The following TCP11L1 variants were observed in gnomAD, a reference collection of about 807,000 sequenced individuals.
TCP11L1 encodes the protein t-complex 11 like 1, also known as T-complex protein 11-like protein 1.
TCP11L1 carries 28 observed loss-of-function variants against 48.9 expected under a neutral mutation model. The observed-to-expected ratio is 0.57, with a 90% CI of 0.42 to 0.78. The LOEUF (loss-of-function observed/expected upper bound fraction) is 0.78. TCP11L1 is among the 30% of genes least tolerant of loss of function. The pLI, the probability that TCP11L1 is intolerant of heterozygous loss-of-function variation, is 0.00. For missense variants in TCP11L1, 505 were observed against 613.4 expected (o/e 0.82, Z 1.87); for synonymous variants, 204 against 231.9 (o/e 0.88, Z 1.09).
chr11:33,042,621 C>T (rs1853871219), intron 1 of TCP11L1, among the ~76,000 whole-genome samples: 1 of 152,186 alleles, frequency 6.6e-6, no homozygotes, highest in Non-Finnish European at 1.5e-5. Context: ...CCACACATTC[C>T]TCTTAAACAT....
chr11:33,061,805 G>T (rs1006604653), intron 7 of TCP11L1, 79 bp downstream of exon 7: 5 of 1,393,020 alleles, frequency 3.6e-6, no homozygotes, highest in Non-Finnish European at 4.8e-6. Flanking sequence ...CTTTGGCCAG[G>T]CACGGTGGCT....
chr11:33,044,928 G>A (rs1033720), intron 2 of TCP11L1, among the ~76,000 whole-genome samples: 62,008 of 152,018 alleles, frequency 0.41, 12,837 homozygotes, highest in African/African-American at 0.46. Context: ...AATATTTCTT[G>A]GGGTAGCAGT....
chr11:33,041,394 G>A (rs749030328), intron 1 of TCP11L1: 3 of 152,326 alleles, frequency 2.0e-5, no homozygotes, highest in Non-Finnish European at 4.4e-5. Context: ...GGTGTCTCCA[G>A]TGGGGTGTTG....
intron 7 of TCP11L1, 52 bp downstream of exon 7, chr11:33,061,778 CT>C (rs758720609): frequency 6.0e-6 from 9 of 1,505,784 alleles, no homozygotes; most frequent in Middle Eastern, 1.8e-4. Flanking sequence ...TGCTGCTGAA[CT>C]TTTTAAAAAG....
intron 9 of TCP11L1, among the ~76,000 whole-genome samples, chr11:33,069,128 C>G (rs1412418743): frequency 2.0e-5 from 3 of 152,066 alleles, no homozygotes; most frequent in Non-Finnish European, 4.4e-5. Flanking sequence ...ACTTGACACT[C>G]GAGTTTCCTC....
chr11:33,072,130 C>T (rs1160010444), intron 9 of TCP11L1, among the ~76,000 whole-genome samples: 1 of 152,064 alleles, frequency 6.6e-6, no homozygotes, highest in East Asian at 1.9e-4. Context: ...AGGCGTGAGC[C>T]ACCGCGCCTG....
chr11:33,048,853 A>G (rs1008634845), intron 2 of TCP11L1, among the ~76,000 whole-genome samples: 1 of 152,256 alleles, frequency 6.6e-6, no homozygotes, highest in Non-Finnish European at 1.5e-5. Flanking sequence ...AACAGAGTCC[A>G]GAGGAAGTGA....
In TCP11L1 at chr11:33,065,978, T is replaced by C. The variant is rs1274278612; in HGVS notation, c.1121T>C (p.Ile374Thr). The C allele has an allele frequency of 2.5e-6, 4 of 1,613,960 alleles. No homozygotes were observed. In the South Asian group the frequency reaches 4.4e-5, roughly 18 times the overall value. The change falls in exon 8 of 10, where the codon ATT (isoleucine) becomes ACT (threonine). Residue 374 changes from isoleucine (I) to threonine (T), a missense_variant. By Grantham distance (89) the Ile-to-Thr change is moderately conservative. Transcript: ENST00000334274. Reference sequence around the variant, plus strand: ...GACTTTGCTGAGAAACTCAAGATGATTGTGAAGATTTTGCTAACAGATATG... The same window carrying C: ...GACTTTGCTGAGAAACTCAAGATGACTGTGAAGATTTTGCTAACAGATATG... ...QADFAEKLKM[I>T]VKILLTDMHL...
intron 1 of TCP11L1, among the ~76,000 whole-genome samples, chr11:33,043,287 A>G (rs1416335808): frequency 6.6e-6 from 1 of 152,218 alleles, no homozygotes; most frequent in Non-Finnish European, 1.5e-5. Context: ...TATTCACATG[A>G]TAATATCAAG....
chr11:33,049,384 G>T (rs916372490), intron 2 of TCP11L1, among the ~76,000 whole-genome samples: 1 of 152,042 alleles, frequency 6.6e-6, no homozygotes, highest in Non-Finnish European at 1.5e-5. Flanking sequence ...GGTGTTTCTC[G>T]TCATGTGGGA....
intron 7 of TCP11L1, among the ~76,000 whole-genome samples, chr11:33,064,573 A>G (rs1270088344): frequency 9.1e-6 from 1 of 109,644 alleles, no homozygotes; most frequent in South Asian, 3.9e-4. Flanking sequence ...AACATGGGGG[A>G]GGCAGTCATG....
chr11:33,057,798 G>T, intron 4 of TCP11L1, 121 bp from the exon 5 acceptor site: 1 of 823,676 alleles, frequency 1.2e-6, no homozygotes, highest in Non-Finnish European at 1.8e-6. Flanking sequence ...TGAATAAGAA[G>T]TAAAATATGT....
chr11:33,069,493 C>T lies in TCP11L1; in HGVS notation c.1327+634C>T, dbSNP rs1854715757. 7.9e-5 allele frequency among the ~76,000 whole-genome samples: 12 copies of T among 152,162 alleles called. No individual in the cohort carries two copies. In the South Asian group the frequency reaches 2.5e-3, roughly 32 times the overall value. On this transcript the variant is annotated intron_variant, in intron 9 of 9. Coordinates refer to ENST00000334274, the MANE Select transcript of TCP11L1 (RefSeq NM_018393.4). Reference sequence around the variant, plus strand: ...CTATAATATTAGCTATTAGTTATCACAGCAATGGCTTTATGAAAAATTCTG... The same window carrying T: ...CTATAATATTAGCTATTAGTTATCATAGCAATGGCTTTATGAAAAATTCTG...
In TCP11L1 at chr11:33,039,675, G is replaced by A. The variant is rs1030154041; in HGVS notation, c.-142G>A. On this transcript the variant is annotated 5_prime_UTR_variant, in exon 1 of 10. Transcript: ENST00000334274. Reference sequence around the variant, plus strand: ...GCGTGGCGAGGGATGCGGCCTCGGAGGGGCAGAGGCTGAACCGCCCCTGCC... The same window carrying A: ...GCGTGGCGAGGGATGCGGCCTCGGAAGGGCAGAGGCTGAACCGCCCCTGCC... 6 of 152,290 alleles carry A rather than the reference G, an allele frequency of 3.9e-5. No homozygotes were observed. Among genetic ancestry groups the A allele is most frequent in the Admixed American group, 2.6e-4 (4 of 15,288 alleles). 9.4% of individuals were successfully genotyped at this position (152,290 alleles called of 1,614,324 possible). A position where few individuals can be genotyped will look rare whatever the true frequency, so the allele number is the denominator to read the frequency against.
chr11:33,072,204 A>G (rs1249191020), intron 9 of TCP11L1, among the ~76,000 whole-genome samples: 2 of 152,194 alleles, frequency 1.3e-5, no homozygotes, highest in Non-Finnish European at 2.9e-5. Context: ...GCTGGGTCTC[A>G]TGCCAGTCAC....
intron 2 of TCP11L1, among the ~76,000 whole-genome samples, chr11:33,047,840 T>C (rs11032121): frequency 0.41 from 62,459 of 152,056 alleles, 13,051 homozygotes; most frequent in African/African-American, 0.48. Flanking sequence ...TGTACCCTGG[T>C]TTTACTGTGC....
At chr11:33,057,294 T>C in intron 4 of TCP11L1, 59 bp downstream of exon 4, 1 of 1,607,520 alleles carries the variant, frequency 6.2e-7, no homozygotes, top group Non-Finnish European at 8.5e-7. Flanking sequence ...TTATTCAACT[T>C]CTTGTGTCAC....
intron 2 of TCP11L1, among the ~76,000 whole-genome samples, chr11:33,050,627 A>G (rs1223505793): frequency 6.7e-6 from 1 of 150,078 alleles, no homozygotes. Context: ...GGGCAACAGA[A>G]TAAGACCCTA....
intron 3 of TCP11L1, 146 bp downstream of exon 3, chr11:33,054,871 A>T: frequency 9.4e-7 from 1 of 1,067,138 alleles, no homozygotes; most frequent in South Asian, 1.8e-5. Flanking sequence ...ACAAGGAACA[A>T]CCTAAAAATC....
Sources: gnomAD v4.1 joint callset for allele counts (sites outside exome capture counted in the v4.1 genomes callset) on GRCh38, gnomAD v4.1.1 for gene constraint, MANE v1.5 for transcripts, NCBI Gene and HGNC (gene_info 2026-07-23, HGNC 2026-07-21) for gene names.